PLA2G10: variants seen among roughly 807,000 people sequenced by gnomAD.
The protein encoded by PLA2G10 is group 10 secretory phospholipase A2.
Under a neutral mutation model 7.9 loss-of-function variants are expected in PLA2G10, and 9 were observed. The observed-to-expected ratio is 1.14, with a 90% confidence interval of 0.68 to 1.98. PLA2G10 has a LOEUF of 1.98. Ranked by LOEUF, PLA2G10 falls within the 30% of genes most tolerant of loss-of-function variation. The pLI is 0.00. For missense variants in PLA2G10, 53 were observed against 65.4 expected, an observed-to-expected ratio of 0.81 and a Z score of 0.66; for synonymous variants, 19 against 27.5, an observed-to-expected ratio of 0.69 and a Z score of 0.97.
chr16:14,679,393 T>TG (rs1393328225), intron 3 of PLA2G10, among the ~76,000 whole-genome samples: 4 of 151,848 alleles, frequency 2.6e-5, no homozygotes, highest in East Asian at 1.9e-4. Context: ...CCGGGCGTGG[T>TG]GCTCGTGCCT....
In PLA2G10 at chr16:14,672,713, T is replaced by C. The variant is rs1443942242; in HGVS notation, c.392A>G (p.Lys131Arg). Residue 131 changes from lysine (K) to arginine (R), a missense_variant, in exon 4 of 4, where the codon AAG becomes AGG. This residue lies in a region of PLA2G10 where 48 missense variants were observed against 47.0 expected (regional missense o/e 1.02). Transcript: ENST00000438167. ...AENKCQELLC[K>R]CDQEIANCLA... ...GCAGTTAGCAATCTCCTGGTCACAC[T>C]TGCACAACAGTTCTTGGCATTTGTT... The C allele has an allele frequency of 1.3e-5, 21 of 1,613,972 alleles. No individual in the cohort carries two copies. The highest frequency in any genetic ancestry group is 1.6e-5 in the Non-Finnish European group (19 of 1,179,974).
chr16:14,686,846 C>A (rs1961084078), intron 3 of PLA2G10, among the ~76,000 whole-genome samples: 1 of 152,082 alleles, frequency 6.6e-6, no homozygotes, highest in African/African-American at 2.4e-5. Context: ...TGGCTCACAC[C>A]TGTAATTCCA....
chr16:14,682,925 T>C (rs150884626), intron 3 of PLA2G10, among the ~76,000 whole-genome samples: 1,866 of 152,004 alleles, frequency 0.012, 32 homozygotes, highest in African/African-American at 0.038. Context: ...AAAAATCAAC[T>C]GGGTGTGGTG....
At chr16:14,678,437 G>C (rs1228347059) in intron 3 of PLA2G10, among the ~76,000 whole-genome samples, 5 of 152,094 alleles carry the variant, frequency 3.3e-5, no homozygotes, top group Non-Finnish European at 7.4e-5. Flanking sequence ...TCCCTCTCCT[G>C]GGTTTGTACC....
At chr16:14,682,376 G>A (rs373836981) in intron 3 of PLA2G10, among the ~76,000 whole-genome samples, 8 of 151,786 alleles carry the variant, frequency 5.3e-5, no homozygotes, top group African/African-American at 9.7e-5. Flanking sequence ...AGTTCAAGAC[G>A]AGCCTAGCCA....
rs915759004 is a variant in PLA2G10, at chr16:14,687,168, A to G, written c.355+997T>C. Reference sequence around the variant, plus strand: ...ACAAAAAAACCCACACTCCAAAAACAAACAAACAAACAATAAATAAATAAT... The same window carrying G: ...ACAAAAAAACCCACACTCCAAAAACGAACAAACAAACAATAAATAAATAAT... On this transcript the variant is annotated intron_variant, in intron 3 of 3. Coordinates refer to ENST00000438167, the MANE Select transcript of PLA2G10 (RefSeq NM_003561.3). Among the ~76,000 whole-genome samples, 16 of 151,778 alleles carry G rather than the reference A, an allele frequency of 1.1e-4. 1 individual carries two copies. The highest frequency in any genetic ancestry group is 9.9e-4 in the Admixed American group (15 of 15,170).
intron 3 of PLA2G10, among the ~76,000 whole-genome samples, chr16:14,684,686 G>A (rs910846021): frequency 2.0e-5 from 3 of 151,930 alleles, no homozygotes; most frequent in Non-Finnish European, 4.4e-5. Flanking sequence ...GCCCAGCATC[G>A]TGCCACACAC....
At chr16:14,684,756 A>C (rs1379444105) in intron 3 of PLA2G10, among the ~76,000 whole-genome samples, 1 of 152,138 alleles carries the variant, frequency 6.6e-6, no homozygotes, top group Non-Finnish European at 1.5e-5. Context: ...CAGGAGTTTG[A>C]GGCTGCAGTG....
intron 3 of PLA2G10, among the ~76,000 whole-genome samples, chr16:14,680,621 CA>C (rs1172210321): frequency 2.0e-5 from 3 of 152,136 alleles, no homozygotes; most frequent in Admixed American, 1.3e-4. Flanking sequence ...CTTGGCCTCC[CA>C]AAGTGTTGGG....
chr16:14,686,689 A>G (rs556272369), intron 3 of PLA2G10, among the ~76,000 whole-genome samples: 2 of 152,200 alleles, frequency 1.3e-5, no homozygotes, highest in East Asian at 2.0e-4. Context: ...TAGTAGAGAC[A>G]GGGTTTCACC....
intron 3 of PLA2G10, among the ~76,000 whole-genome samples, chr16:14,673,770 G>A (rs1034058268): frequency 6.6e-6 from 1 of 152,110 alleles, no homozygotes; most frequent in African/African-American, 2.4e-5. Context: ...CAAACCCATA[G>A]CCCACATCAT....
intron 3 of PLA2G10, among the ~76,000 whole-genome samples, chr16:14,677,504 C>T (rs1162438093): frequency 1.3e-5 from 2 of 152,104 alleles, no homozygotes; most frequent in Admixed American, 1.3e-4. Context: ...GTAGCTGGGA[C>T]TACAGGCGCA....
intron 3 of PLA2G10, among the ~76,000 whole-genome samples, chr16:14,681,588 T>G (rs1960894109): frequency 6.6e-6 from 1 of 152,100 alleles, no homozygotes. Flanking sequence ...TAAGGCCTGC[T>G]AGTAAATATT....
Position 14,672,578 on chromosome 16 carries a change from G to A in PLA2G10, c.*29C>T. ...TACTGAGAGGACGCTTTATTTCCTT[G>A]TGCAAAAGAGCATTTCAAGTCAAGG... On this transcript the variant is annotated 3_prime_UTR_variant, in exon 4 of 4. Transcript: ENST00000438167. The A allele has an allele frequency of 6.2e-7, 1 of 1,611,114 alleles. No homozygotes were observed.
intron 3 of PLA2G10, among the ~76,000 whole-genome samples, chr16:14,674,458 CTT>C (rs1362484746): frequency 6.6e-6 from 1 of 152,196 alleles, no homozygotes. Context: ...AATCCTAGCA[CTT>C]TGCAAGGCCG....
At chr16:14,674,546 C>G (rs1047562330) in intron 3 of PLA2G10, among the ~76,000 whole-genome samples, 2 of 151,834 alleles carry the variant, frequency 1.3e-5, no homozygotes, top group Non-Finnish European at 2.9e-5. Context: ...ACTAAAAATA[C>G]AAAAATTAGC....
chr16:14,674,379 A>T (rs1960670047), intron 3 of PLA2G10, among the ~76,000 whole-genome samples: 2 of 152,188 alleles, frequency 1.3e-5, no homozygotes, highest in South Asian at 4.1e-4. Context: ...TAATTAGAAG[A>T]AACAATCCTA....
chr16:14,675,764 C>A (rs1308570833), intron 3 of PLA2G10, among the ~76,000 whole-genome samples: 3 of 151,660 alleles, frequency 2.0e-5, no homozygotes, highest in Non-Finnish European at 4.4e-5. Context: ...CATGGTGAAA[C>A]CCCGTCTCTA....
rs529790068 is a variant in PLA2G10, at chr16:14,683,189, T to C, written c.355+4976A>G. ...AAATTATTAGCTCAAAGTGATGAAATCCTCCTCCATCTAGAGCCAAGTGAT... is the reference window on the plus strand; with the variant it reads ...AAATTATTAGCTCAAAGTGATGAAACCCTCCTCCATCTAGAGCCAAGTGAT... On this transcript the variant is annotated intron_variant, in intron 3 of 3. Transcript: ENST00000438167. 1.0e-3 allele frequency among the ~76,000 whole-genome samples: 158 copies of C among 151,688 alleles called. 1 individual carries two copies. The highest frequency in any genetic ancestry group is 3.5e-3 in the African/African-American group (144 of 41,404).
Sources: allele counts gnomAD v4.1 joint callset (sites outside exome capture counted in the v4.1 genomes callset), GRCh38; gene constraint gnomAD v4.1.1; regional missense constraint gnomAD v4.1.1; transcripts MANE v1.5; gene names NCBI Gene and HGNC (gene_info 2026-07-23, HGNC 2026-07-21).